The following TFRC variants were observed in gnomAD, a reference collection of about 807,000 sequenced individuals.
The protein encoded by TFRC is transferrin receptor protein 1.
A neutral mutation model predicts 85.8 loss-of-function variants in TFRC; 35 were observed. That is an observed-to-expected ratio of 0.41 (90% confidence interval 0.31 to 0.54). TFRC has a LOEUF of 0.54. TFRC is among the 20% of genes least tolerant of loss of function. The pLI is 0.31. For missense variants in TFRC, 828 were observed against 921.5 expected, an observed-to-expected ratio of 0.90 and a Z score of 1.31; for synonymous variants, 362 against 328.6, an observed-to-expected ratio of 1.10 and a Z score of -1.10.
At chr3:196,054,131 G>A (rs573122314) in intron 17 of TFRC, among the ~76,000 whole-genome samples, 2 of 152,276 alleles carry the variant, frequency 1.3e-5, no homozygotes, top group East Asian at 1.9e-4. Flanking sequence ...CCAGCTACTC[G>A]GGAGGCTTAG....
In TFRC at chr3:196,065,424, G is replaced by GGGT. The variant is rs1717646452; in HGVS notation, c.1198+18_1198+19insACC. On this transcript the variant is annotated intron_variant, in intron 10 of 18. Coordinates refer to ENST00000360110, the MANE Select transcript of TFRC (RefSeq NM_001128148.3). ...AACAAAAAAAAAGCGGGGCGGGGGG[G>GGGT]GGGGGGGGCGGTCTTTACCTGGTTC... The GGGT allele has an allele frequency of 4.2e-6, 3 of 710,656 alleles. No individual in the cohort carries two copies. Among genetic ancestry groups the GGGT allele is most frequent in the Non-Finnish European group, 5.7e-6 (3 of 527,256 alleles). The allele number at this position is 710,656 out of a possible 1,614,324, so 44.0% of individuals were successfully genotyped here.
intron 13 of TFRC, among the ~76,000 whole-genome samples, chr3:196,060,897 C>T (rs1407816162): frequency 6.6e-6 from 1 of 151,898 alleles, no homozygotes; most frequent in African/African-American, 2.4e-5. Flanking sequence ...TCCACTGCCC[C>T]CACACATGTG....
At chr3:196,079,326 T>A (rs1718971627) in intron 1 of TFRC, among the ~76,000 whole-genome samples, 1 of 152,202 alleles carries the variant, frequency 6.6e-6, no homozygotes. Context: ...CACAAAGCGA[T>A]GGCCGGGCAT....
In TFRC at chr3:196,055,315, C is replaced by G; in HGVS notation, c.1678-14G>C. Reference sequence around the variant, plus strand: ...ATAATCTGTGTCCTGCAAGACAACGCGAGGCTATGGTACTCACGTGAGTTC... The same window carrying G: ...ATAATCTGTGTCCTGCAAGACAACGGGAGGCTATGGTACTCACGTGAGTTC... On this transcript the variant is annotated splice_polypyrimidine_tract_variant and intron_variant, in intron 16 of 18. Coordinates refer to ENST00000360110, the MANE Select transcript of TFRC (RefSeq NM_001128148.3). 6.2e-7 allele frequency: 1 copy of G among 1,603,326 alleles called. No homozygotes were observed.
intron 4 of TFRC, among the ~76,000 whole-genome samples, chr3:196,073,621 G>A (rs943684599): frequency 2.6e-5 from 4 of 152,104 alleles, no homozygotes; most frequent in South Asian, 2.1e-4. Flanking sequence ...TTAGTACAAC[G>A]TTACAAGAGG....
In TFRC at chr3:196,051,015, A is replaced by C. The variant is rs1025842752; in HGVS notation, c.*927T>G. The C allele has an allele frequency of 2.9e-5, 6 of 205,466 alleles. No homozygotes were observed. The highest frequency in any genetic ancestry group is 2.4e-4 in the Admixed American group (4 of 16,764). 12.7% of individuals were successfully genotyped at this position (205,466 alleles called of 1,614,324 possible). ...GCACTGCTTCCGATAATTATATTCTATTAAAAAAACACCATTTATAGTGAA... is the reference window on the plus strand; with the variant it reads ...GCACTGCTTCCGATAATTATATTCTCTTAAAAAAACACCATTTATAGTGAA... On this transcript the variant is annotated 3_prime_UTR_variant, in exon 19 of 19. Coordinates refer to ENST00000360110, the MANE Select transcript of TFRC (RefSeq NM_001128148.3).
chr3:196,065,665 A>G (rs1404169051), intron 9 of TFRC, 65 bp from the exon 10 acceptor site: 26 of 1,495,760 alleles, frequency 1.7e-5, no homozygotes, highest in Non-Finnish European at 2.2e-5. Flanking sequence ...ACTCCTGTCC[A>G]GTGAAGTTAC....
chr3:196,064,594 G>C (rs1717561767), intron 10 of TFRC, among the ~76,000 whole-genome samples, 166 bp from the exon 11 acceptor site: 1 of 152,236 alleles, frequency 6.6e-6, no homozygotes, highest in South Asian at 2.1e-4. Context: ...ATTCACATGA[G>C]AATATTAATT....
intron 10 of TFRC, 25 bp downstream of exon 10, chr3:196,065,418 G>GGGGA: frequency 1.5e-4 from 1 of 6,884 alleles, no homozygotes; most frequent in Non-Finnish European, 2.5e-4. Context: ...AAAGCGGGGC[G>GGGGA]GGGGGGGGGG....
chr3:196,073,204 G>GT (rs1316598190), intron 4 of TFRC, among the ~76,000 whole-genome samples: 1 of 151,192 alleles, frequency 6.6e-6, no homozygotes, highest in South Asian at 2.1e-4. Context: ...TGGGCAACAC[G>GT]TAAGACTCCA....
At chr3:196,054,168 G>A (rs41298059) in intron 17 of TFRC, among the ~76,000 whole-genome samples, 2 of 152,126 alleles carry the variant, frequency 1.3e-5, no homozygotes, top group South Asian at 2.1e-4. Context: ...AACCCGGGAG[G>A]CGCATCTTAC....
intron 17 of TFRC, among the ~76,000 whole-genome samples, chr3:196,054,048 C>G (rs942196471): frequency 8.9e-4 from 135 of 151,926 alleles, no homozygotes; most frequent in African/African-American, 3.1e-3. Flanking sequence ...ACCAGCCTGG[C>G]CAACATGGTA....
intron 2 of TFRC, 29 bp downstream of exon 2, chr3:196,077,035 A>G (rs1718759457): frequency 6.2e-7 from 1 of 1,608,062 alleles, no homozygotes; most frequent in Admixed American, 1.7e-5. Flanking sequence ...ATTCTTGCAG[A>G]CACAGAAATA....
At chr3:196,060,144 TA>T in intron 14 of TFRC, 35 bp downstream of exon 14, 2 of 1,545,168 alleles carry the variant, frequency 1.3e-6, no homozygotes, top group Non-Finnish European at 1.8e-6. Context: ...CAACAAAAAT[TA>T]AGTCATACAT....
chr3:196,058,481 G>T, intron 15 of TFRC, 93 bp downstream of exon 15: 1 of 1,482,982 alleles, frequency 6.7e-7, no homozygotes, highest in Non-Finnish European at 9.3e-7. Flanking sequence ...GTGTAAGTAA[G>T]TTCAATGCAA....
At chr3:196,055,699 G>A in intron 16 of TFRC, 1 of 273,842 alleles carries the variant, frequency 3.7e-6, no homozygotes, top group Non-Finnish European at 7.1e-6. Context: ...CTAGAGTGCA[G>A]TGATGCAATC....
intron 6 of TFRC, among the ~76,000 whole-genome samples, chr3:196,070,266 T>A (rs899756328): frequency 2.8e-4 from 4 of 14,344 alleles, no homozygotes; most frequent in Non-Finnish European, 2.8e-3. Flanking sequence ...ACAAATGTGA[T>A]TTTTTTTTTT....
rs1226515132 is a variant in TFRC, at chr3:196,075,334, G to A, written c.63C>T (p.Thr21=). Residue 21 remains threonine, a synonymous_variant, in exon 3 of 19, where the codon ACC becomes ACT. Coordinates refer to ENST00000360110, the MANE Select transcript of TFRC (RefSeq NM_001128148.3). ...NLFGGEPLSY[T]RFSLARQVDG... The stretch of plus-strand genomic sequence containing the variant: ...CTACTTGCCGAGCCAGGCTGAACCG[G>A]GTATATGACAATGGTTCTCCACCAA... The A allele has an allele frequency of 5.6e-6, 9 of 1,614,038 alleles. No individual in the cohort carries two copies. Among genetic ancestry groups the A allele is most frequent in the Non-Finnish European group, 7.6e-6 (9 of 1,180,016 alleles).
Position 196,051,027 on chromosome 3 carries a change from C to T in TFRC, c.*915G>A. 2 of 207,370 alleles carry T rather than the reference C, an allele frequency of 9.6e-6. No individual in the cohort carries two copies. Among genetic ancestry groups the T allele is most frequent in the Non-Finnish European group, 2.0e-5 (2 of 101,330 alleles). The allele number at this position is 207,370 out of a possible 1,614,324, so 12.8% of individuals were successfully genotyped here. A position where few individuals can be genotyped will look rare whatever the true frequency, so the allele number is the denominator to read the frequency against. ...ATAATTATATTCTATTAAAAAAACA[C>T]CATTTATAGTGAACTCTGTCACTGA... On this transcript the variant is annotated 3_prime_UTR_variant, in exon 19 of 19. Coordinates refer to ENST00000360110, the MANE Select transcript of TFRC (RefSeq NM_001128148.3).
Sources: gnomAD v4.1 joint callset for allele counts (sites outside exome capture counted in the v4.1 genomes callset) on GRCh38, gnomAD v4.1.1 for gene constraint, MANE v1.5 for transcripts, NCBI Gene and HGNC (gene_info 2026-07-23, HGNC 2026-07-21) for gene names.